KCNIP4: variants seen among roughly 807,000 people sequenced by gnomAD.
KCNIP4 encodes potassium voltage-gated channel interacting protein 4.
A neutral mutation model predicts 34.0 loss-of-function variants in KCNIP4; 12 were observed. The ratio of observed to expected loss-of-function variants is 0.35; its 90% CI spans 0.23 to 0.57. The LOEUF is 0.57. Ranked by LOEUF, KCNIP4 falls within the 20% of genes least tolerant of loss-of-function variation. The pLI, the probability that KCNIP4 is intolerant of heterozygous loss-of-function variation, is 0.83. For synonymous variants in KCNIP4, 124 were observed against 102.2 expected, an observed-to-expected ratio of 1.21 and a Z score of -1.29; for missense variants, 238 against 311.7, an observed-to-expected ratio of 0.76 and a Z score of 1.78.
chr4:20,991,551 T>C (rs62293766), intron 1 of KCNIP4, among the ~76,000 whole-genome samples: 9,400 of 152,144 alleles, frequency 0.062, 344 homozygotes, highest in Middle Eastern at 0.14. Context: ...GAGATTCTCA[T>C]AGATGGCCAG....
intron 1 of KCNIP4, among the ~76,000 whole-genome samples, chr4:21,476,949 C>T (rs1386668254): frequency 6.6e-6 from 1 of 152,118 alleles, no homozygotes; most frequent in Non-Finnish European, 1.5e-5. Context: ...CTGTCCTGGG[C>T]ACTGTCCTAG....
intron 1 of KCNIP4, among the ~76,000 whole-genome samples, chr4:21,103,357 A>G (rs1021886017): frequency 2.7e-5 from 4 of 146,890 alleles, no homozygotes; most frequent in African/African-American, 9.9e-5. Flanking sequence ...CATATAATAT[A>G]TATAATATAT....
At chr4:21,596,566 C>G (rs1006867034) in intron 1 of KCNIP4, among the ~76,000 whole-genome samples, 11 of 152,034 alleles carry the variant, frequency 7.2e-5, no homozygotes, top group African/African-American at 2.7e-4. Flanking sequence ...CTCCATCTAC[C>G]TTTCCTGGAG....
intron 1 of KCNIP4, among the ~76,000 whole-genome samples, chr4:21,559,362 C>G (rs568391372): frequency 1.3e-5 from 2 of 152,172 alleles, no homozygotes; most frequent in East Asian, 3.9e-4. Flanking sequence ...TTTATTCATT[C>G]GATGATATAT....
chr4:20,996,243 T>C (rs1229349427), intron 1 of KCNIP4, among the ~76,000 whole-genome samples: 2 of 152,204 alleles, frequency 1.3e-5, no homozygotes, highest in African/African-American at 4.8e-5. Context: ...CTGTCTAATT[T>C]TGTTACTTTC....
chr4:21,295,526 C>G (rs1168179798), intron 1 of KCNIP4, among the ~76,000 whole-genome samples: 1 of 152,120 alleles, frequency 6.6e-6, no homozygotes, highest in Non-Finnish European at 1.5e-5. Flanking sequence ...CAAGCTCACT[C>G]TGCTTCAGCT....
chr4:20,941,045 T>A (rs1182079170), intron 1 of KCNIP4, among the ~76,000 whole-genome samples: 1 of 152,218 alleles, frequency 6.6e-6, no homozygotes, highest in Non-Finnish European at 1.5e-5. Flanking sequence ...TGAGACGACA[T>A]GAGTTAATGC....
intron 3 of KCNIP4, among the ~76,000 whole-genome samples, chr4:20,824,877 G>A (rs181625694): frequency 1.3e-5 from 2 of 151,842 alleles, no homozygotes; most frequent in Non-Finnish European, 2.9e-5. Flanking sequence ...AGATAACTTG[G>A]TTTTGAAGAA....
intron 1 of KCNIP4, among the ~76,000 whole-genome samples, chr4:21,013,105 A>G (rs1317925796): frequency 6.6e-6 from 1 of 152,168 alleles, no homozygotes; most frequent in East Asian, 1.9e-4. Flanking sequence ...GTAGAAGGTA[A>G]ACTCAGCTAT....
At chr4:20,960,000 T>C (rs1733692614) in intron 1 of KCNIP4, among the ~76,000 whole-genome samples, 2 of 152,298 alleles carry the variant, frequency 1.3e-5, no homozygotes, top group Non-Finnish European at 2.9e-5. Context: ...AATATCACCA[T>C]TGTCTGGCTT....
At chr4:20,960,462 T>C (rs1331008151) in intron 1 of KCNIP4, among the ~76,000 whole-genome samples, 1 of 152,244 alleles carries the variant, frequency 6.6e-6, no homozygotes, top group East Asian at 1.9e-4. Flanking sequence ...TCTCGCCTTC[T>C]GCTCACGGAC....
At chr4:21,742,075 A>G (rs1716446074) in intron 1 of KCNIP4, among the ~76,000 whole-genome samples, 1 of 152,056 alleles carries the variant, frequency 6.6e-6, no homozygotes, top group South Asian at 2.1e-4. Context: ...AACAAAAAAT[A>G]CTAGAAAAAA....
intron 1 of KCNIP4, among the ~76,000 whole-genome samples, chr4:20,999,020 A>G (rs943442428): frequency 6.6e-6 from 1 of 152,216 alleles, no homozygotes; most frequent in Non-Finnish European, 1.5e-5. Flanking sequence ...GTTATTAAAT[A>G]TTATAGTGAG....
In KCNIP4 at chr4:21,692,475, C is replaced by G. The variant is rs150964335; in HGVS notation, c.61+256096G>C. 2.0e-5 allele frequency among the ~76,000 whole-genome samples: 3 copies of G among 152,234 alleles called. No homozygotes were observed. The East Asian group carries it at 5.8e-4, about 29-fold the overall frequency. Reference sequence around the variant, plus strand: ...ATCCTGATAAAGTTGAAAATGTAAACTCTGTTGGGAAAAGTAACACAGTGC... The same window carrying G: ...ATCCTGATAAAGTTGAAAATGTAAAGTCTGTTGGGAAAAGTAACACAGTGC... On this transcript the variant is annotated intron_variant, in intron 1 of 8. Coordinates refer to ENST00000382152, the MANE Select transcript of KCNIP4 (RefSeq NM_025221.6).
chr4:20,944,263 C>G (rs1172125873), intron 1 of KCNIP4, among the ~76,000 whole-genome samples: 6 of 152,136 alleles, frequency 3.9e-5, no homozygotes, highest in African/African-American at 1.4e-4. Context: ...TCTGGAGGAG[C>G]AGTTTCATGT....
intron 1 of KCNIP4, among the ~76,000 whole-genome samples, chr4:21,480,453 A>T (rs1347991886): frequency 6.6e-6 from 1 of 152,164 alleles, no homozygotes; most frequent in Non-Finnish European, 1.5e-5. Flanking sequence ...TAATTAAGAG[A>T]ACCTTATCAA....
chr4:20,881,522 T>A (rs557758025), intron 2 of KCNIP4, among the ~76,000 whole-genome samples: 1 of 152,272 alleles, frequency 6.6e-6, no homozygotes, highest in South Asian at 2.1e-4. Context: ...TTGAAAAAAA[T>A]TGTGTATAAA....
At chr4:21,112,951 T>A (rs1749349411) in intron 1 of KCNIP4, among the ~76,000 whole-genome samples, 1 of 152,234 alleles carries the variant, frequency 6.6e-6, no homozygotes, top group Non-Finnish European at 1.5e-5. Context: ...GAGATCAGAT[T>A]GTATTCGCTT....
chr4:21,690,207 C>T (rs1751165719), intron 1 of KCNIP4, among the ~76,000 whole-genome samples: 1 of 150,888 alleles, frequency 6.6e-6, no homozygotes. Flanking sequence ...GTCAGTTGGA[C>T]TTTTCTTCCA....
Sources: allele counts gnomAD v4.1 joint callset (sites outside exome capture counted in the v4.1 genomes callset), GRCh38; gene constraint gnomAD v4.1.1; transcripts MANE v1.5; gene names NCBI Gene and HGNC (gene_info 2026-07-23, HGNC 2026-07-21).